The following CHD9 variants were observed in gnomAD, a reference collection of about 807,000 sequenced individuals.
CHD9 encodes the protein ATP-dependent chromatin remodeler CHD9.
CHD9 carries 77 observed loss-of-function variants against 316.1 expected under a neutral mutation model. That is an observed-to-expected ratio of 0.24 (90% CI 0.20 to 0.29). The LOEUF (loss-of-function observed/expected upper bound fraction) is 0.29, where lower values mean the gene tolerates loss of function less well. CHD9 is among the 10% of genes least tolerant of loss of function. CHD9 has a pLI of 1.00. For missense variants in CHD9, 2,763 were observed against 3,438.1 expected (o/e 0.80, Z 4.91); for synonymous variants, 1,129 against 1,158.3 (o/e 0.97, Z 0.51).
chr16:53,151,107 T>C (rs1168685996), intron 1 of CHD9, among the ~76,000 whole-genome samples: 1 of 152,122 alleles, frequency 6.6e-6, no homozygotes, highest in East Asian at 1.9e-4. Context: ...GTATATTTTA[T>C]TCTCTTGATT....
At chr16:53,082,666 C>T (rs1159472062) in intron 1 of CHD9, among the ~76,000 whole-genome samples, 4 of 152,228 alleles carry the variant, frequency 2.6e-5, no homozygotes, top group East Asian at 1.9e-4. Flanking sequence ...GAAACCTTCC[C>T]AGGACAGAGC....
intron 33 of CHD9, 115 bp from the exon 34 acceptor site, chr16:53,308,571 T>C (rs2056192818): frequency 1.4e-6 from 1 of 703,060 alleles, no homozygotes; most frequent in East Asian, 2.7e-5. Context: ...TGAACTTCTT[T>C]GATGTTTCAG....
Position 53,318,290 on chromosome 16 carries a change from C to A in CHD9, c.7663C>A (p.Leu2555Ile). Residue 2555 changes from leucine to isoleucine, a missense_variant, in exon 37 of 39, where the codon CTC (leucine) becomes ATC (isoleucine). Transcript: ENST00000447540. The part of the protein sequence containing the change: ...RNPNKLDVNS[L>I]TGEERVQLIN... ...CCCCAATAAACTAGATGTGAATAGTCTCACTGGAGAAGAACGTGTTCAACT... is the reference window on the plus strand; with the variant it reads ...CCCCAATAAACTAGATGTGAATAGTATCACTGGAGAAGAACGTGTTCAACT... 6.2e-7 allele frequency: 1 copy of A among 1,612,474 alleles called. No individual in the cohort carries two copies. Among genetic ancestry groups the A allele is most frequent in the Non-Finnish European group, 8.5e-7 (1 of 1,179,112 alleles).
At chr16:53,076,261 A>G (rs940893780) in intron 1 of CHD9, among the ~76,000 whole-genome samples, 1 of 152,124 alleles carries the variant, frequency 6.6e-6, no homozygotes, top group African/African-American at 2.4e-5. Context: ...TTTTCATAAC[A>G]TCCAATTTTT....
At chr16:53,138,291 GTAT>G (rs965299958) in intron 1 of CHD9, among the ~76,000 whole-genome samples, 2 of 152,110 alleles carry the variant, frequency 1.3e-5, no homozygotes, top group Non-Finnish European at 2.9e-5. Flanking sequence ...ATAATTTGTA[GTAT>G]TCTAAGAAAA....
chr16:53,287,736 T>A (rs2054005657), intron 26 of CHD9, among the ~76,000 whole-genome samples: 1 of 152,042 alleles, frequency 6.6e-6, no homozygotes. Context: ...TCAAAAAAAA[T>A]AAAAATAAAA....
intron 20 of CHD9, among the ~76,000 whole-genome samples, chr16:53,266,241 C>T (rs1038934614): frequency 2.0e-5 from 3 of 152,052 alleles, no homozygotes; most frequent in Non-Finnish European, 4.4e-5. Flanking sequence ...AAACTAGTAA[C>T]TTCACAGTGG....
At chr16:53,186,583 A>G (rs1465895074) in intron 2 of CHD9, among the ~76,000 whole-genome samples, 1 of 152,168 alleles carries the variant, frequency 6.6e-6, no homozygotes, top group Non-Finnish European at 1.5e-5. Context: ...TGAGGATATA[A>G]GATTTAGGAA....
At chr16:53,122,461 A>G (rs909162609) in intron 1 of CHD9, among the ~76,000 whole-genome samples, 1 of 152,142 alleles carries the variant, frequency 6.6e-6, no homozygotes, top group African/African-American at 2.4e-5. Flanking sequence ...TTTTGTCTCA[A>G]CGTGTTCATA....
intron 24 of CHD9, among the ~76,000 whole-genome samples, chr16:53,277,526 C>T (rs1270685586): frequency 1.3e-5 from 2 of 152,128 alleles, no homozygotes; most frequent in Admixed American, 6.6e-5. Context: ...AAACACAAAG[C>T]ATTTGACGAA....
At chr16:53,174,164 G>A (rs1282930054) in intron 2 of CHD9, among the ~76,000 whole-genome samples, 1 of 152,118 alleles carries the variant, frequency 6.6e-6, no homozygotes, top group Non-Finnish European at 1.5e-5. Context: ...TGCACCTGTA[G>A]TCCCAGCTCC....
chr16:53,245,257 A>T lies in CHD9; in HGVS notation c.3055-79A>T. The T allele has an allele frequency of 9.3e-7, 1 of 1,069,524 alleles. No homozygotes were observed. The highest frequency in any genetic ancestry group is 1.3e-6 in the Non-Finnish European group (1 of 774,586). 66.3% of individuals were successfully genotyped at this position (1,069,524 alleles called of 1,614,324 possible). A position where few individuals can be genotyped will look rare whatever the true frequency, so the allele number is the denominator to read the frequency against. ...TAGTCAGAAAAATATTTGCATATTG[A>T]TCATTCGATAATCTAAGTCAGCTTT... On this transcript the variant is annotated intron_variant, in intron 13 of 38. Transcript: ENST00000447540. This position sits in a 1 kb window ranked among gnomAD's most constrained non-coding sequence, Gnocchi z 4.1.
chr16:53,204,198 T>G (rs540138155), intron 2 of CHD9, among the ~76,000 whole-genome samples: 1 of 151,564 alleles, frequency 6.6e-6, no homozygotes, highest in Non-Finnish European at 1.5e-5. Context: ...GTTCTCTGAG[T>G]GTACAGTGGT....
chr16:53,298,849 G>T, intron 30 of CHD9: 1 of 158,482 alleles, frequency 6.3e-6, no homozygotes, highest in South Asian at 1.8e-4. Flanking sequence ...CCAGCAGAAT[G>T]AAGGTGGCCC....
chr16:53,143,953 C>T (rs961000377), intron 1 of CHD9, among the ~76,000 whole-genome samples: 1 of 151,988 alleles, frequency 6.6e-6, no homozygotes, highest in Non-Finnish European at 1.5e-5. Flanking sequence ...TTGCCCATGA[C>T]CCAAACATTT....
chr16:53,302,332 A>G (rs768660598), intron 30 of CHD9, among the ~76,000 whole-genome samples: 3 of 152,112 alleles, frequency 2.0e-5, no homozygotes. Flanking sequence ...TTAGCCATGT[A>G]TCCCTCAATT....
chr16:53,299,941 C>T (rs1567647672), intron 30 of CHD9: 1 of 152,660 alleles, frequency 6.6e-6, no homozygotes, highest in African/African-American at 2.4e-5. Context: ...ACCTACAACA[C>T]CAACCTTTGT....
intron 1 of CHD9, among the ~76,000 whole-genome samples, chr16:53,129,851 G>A (rs2039139172): frequency 6.6e-6 from 1 of 152,168 alleles, no homozygotes; most frequent in Non-Finnish European, 1.5e-5. Flanking sequence ...AGAGCTGGAG[G>A]ACTTTTGGAC....
chr16:53,089,308 G>C (rs58175063), intron 1 of CHD9, among the ~76,000 whole-genome samples: 7,225 of 152,062 alleles, frequency 0.048, 589 homozygotes, highest in African/African-American at 0.16. Context: ...CAAAACAAAA[G>C]AAAATGAAGT....
Sources: gnomAD v4.1 joint callset for allele counts (sites outside exome capture counted in the v4.1 genomes callset) on GRCh38, gnomAD v4.1.1 for gene constraint, Gnocchi (gnomAD v3.1) non-coding constraint, MANE v1.5 for transcripts, NCBI Gene and HGNC (gene_info 2026-07-23, HGNC 2026-07-21) for gene names.